The following USH2A variants were observed in gnomAD, a reference collection of about 807,000 sequenced individuals.
USH2A encodes Usher syndrome 2A (autosomal recessive, mild).
In USH2A, 443 loss-of-function variants were observed where a neutral mutation model predicts 538.9. That is an observed-to-expected ratio of 0.82 (90% CI 0.76 to 0.89). The LOEUF (loss-of-function observed/expected upper bound fraction) is 0.89. Among genes scored for constraint, USH2A ranks in the 40% least tolerant of loss-of-function variants. USH2A has a pLI of 0.00. For missense variants in USH2A, 6,633 were observed against 6,324.8 expected (o/e 1.05, Z -1.65); for synonymous variants, 2,413 against 2,273.5 (o/e 1.06, Z -1.75).
chr1:215,975,803 C>T (rs1171458960), intron 35 of USH2A, among the ~76,000 whole-genome samples: 10 of 152,022 alleles, frequency 6.6e-5, no homozygotes, highest in Admixed American at 6.6e-4. Context: ...TTTTTGGGCT[C>T]TTTTTGGGTT....
At position 215,897,124 on chromosome 1, in the gene USH2A, C is replaced by A. The variant is rs75158067; in HGVS notation, c.7594+2951G>T. ...TTCCCTGTCCATGATAACTTCTCTG[C>A]ACCCATGCATTTGCTTCTCTGGCTG... is the stretch of plus-strand genomic sequence containing the variant. On this transcript the variant is annotated intron_variant, in intron 40 of 71. Coordinates refer to ENST00000307340, the MANE Select transcript of USH2A (RefSeq NM_206933.4). 3.2e-3 allele frequency among the ~76,000 whole-genome samples: 493 copies of A among 152,240 alleles called. 4 individuals are homozygous for A. Among genetic ancestry groups the A allele is most frequent in the African/African-American group, 0.011 (474 of 41,526 alleles).
At chr1:215,774,933 G>C (rs958448696) in intron 55 of USH2A, among the ~76,000 whole-genome samples, 3 of 148,688 alleles carry the variant, frequency 2.0e-5, no homozygotes, top group Non-Finnish European at 4.4e-5. Context: ...TTTTTGGTCA[G>C]GCACAAATTT....
At chr1:216,286,746 A>T (rs2036893825) in intron 11 of USH2A, among the ~76,000 whole-genome samples, 1 of 151,880 alleles carries the variant, frequency 6.6e-6, no homozygotes, top group Non-Finnish European at 1.5e-5. Flanking sequence ...TAAATAAATA[A>T]ATAAAAACCT....
intron 37 of USH2A, 135 bp from the exon 38 acceptor site, chr1:215,934,930 C>A: frequency 2.6e-6 from 2 of 777,278 alleles, no homozygotes; most frequent in Non-Finnish European, 3.9e-6. Flanking sequence ...AGAGGCATTA[C>A]ATGTGCTTCT....
At chr1:216,333,396 A>G (rs76822347) in intron 4 of USH2A, among the ~76,000 whole-genome samples, 8,053 of 152,214 alleles carry the variant, frequency 0.053, 294 homozygotes, top group Middle Eastern at 0.11. Context: ...ATACAGGTCA[A>G]TTGAGATTAT....
rs555946852 is a variant in USH2A at position 215,721,864 on chromosome 1, G to A, written c.12066+6166C>T. Among the ~76,000 whole-genome samples, 6 of 152,210 alleles carry A rather than the reference G, an allele frequency of 3.9e-5. No individual in the cohort carries two copies. The South Asian group carries it at 1.2e-3, about 32-fold the overall frequency. On this transcript the variant is annotated intron_variant, in intron 61 of 71. Coordinates refer to ENST00000307340, the MANE Select transcript of USH2A (RefSeq NM_206933.4). ...GGATCTCTTGAGGCCGGGAATTTGA[G>A]ACCAGCTGGGGCAATTTAGTGAGAC...
intron 10 of USH2A, among the ~76,000 whole-genome samples, chr1:216,291,073 A>C (rs2036990926): frequency 6.6e-6 from 1 of 152,134 alleles, no homozygotes; most frequent in African/African-American, 2.4e-5. Flanking sequence ...CTTTATAACC[A>C]GGTGTATCTT....
intron 21 of USH2A, among the ~76,000 whole-genome samples, chr1:216,169,958 T>C (rs1416041126): frequency 1.3e-5 from 2 of 152,108 alleles, no homozygotes; most frequent in Non-Finnish European, 2.9e-5. Flanking sequence ...TGTTTTTTAT[T>C]TTTTTCAAGC....
intron 20 of USH2A, among the ~76,000 whole-genome samples, chr1:216,175,815 C>G (rs1006967247): frequency 3.3e-5 from 5 of 152,212 alleles, no homozygotes; most frequent in Admixed American, 2.0e-4. Flanking sequence ...CAACCACAGT[C>G]CCTCTACCAA....
intron 24 of USH2A, among the ~76,000 whole-genome samples, chr1:216,085,952 G>C (rs964226462): frequency 6.6e-6 from 1 of 151,978 alleles, no homozygotes; most frequent in African/African-American, 2.4e-5. Flanking sequence ...ATACTTATCT[G>C]GGTTCTAGCT....
chr1:215,631,725 C>A (rs1309394889), intron 70 of USH2A, among the ~76,000 whole-genome samples: 1 of 152,182 alleles, frequency 6.6e-6, no homozygotes, highest in Non-Finnish European at 1.5e-5. Context: ...CCAGCCAGTC[C>A]CTCTATGCCT....
At chr1:215,939,335 G>A (rs987889586) in intron 37 of USH2A, among the ~76,000 whole-genome samples, 9 of 151,980 alleles carry the variant, frequency 5.9e-5, no homozygotes, top group African/African-American at 1.9e-4. Context: ...CATTCTAAAG[G>A]GTCTTGAAAA....
intron 44 of USH2A, among the ~76,000 whole-genome samples, chr1:215,856,683 A>G (rs770641979): frequency 7.2e-5 from 11 of 152,264 alleles, no homozygotes; most frequent in African/African-American, 2.4e-4. Context: ...TGATTCATCA[A>G]TCCTACTCCT....
chr1:216,317,101 C>CTT (rs1302518828), intron 9 of USH2A, among the ~76,000 whole-genome samples: 4 of 152,120 alleles, frequency 2.6e-5, no homozygotes, highest in African/African-American at 9.7e-5. Context: ...AAGGGAACAC[C>CTT]TTTACACTGT....
At chr1:215,712,535 A>G (rs1234867691) in intron 61 of USH2A, among the ~76,000 whole-genome samples, 1 of 152,186 alleles carries the variant, frequency 6.6e-6, no homozygotes, top group Non-Finnish European at 1.5e-5. Flanking sequence ...CCACCAGAAC[A>G]CTGTGGATGT....
At chr1:216,373,794 A>G (rs986230037) in intron 3 of USH2A, among the ~76,000 whole-genome samples, 31 of 152,064 alleles carry the variant, frequency 2.0e-4, no homozygotes, top group African/African-American at 7.5e-4. Context: ...TTTTGATCTG[A>G]AAGAGACACG....
chr1:216,178,466 A>G (rs1268202343), intron 20 of USH2A, among the ~76,000 whole-genome samples: 10 of 152,140 alleles, frequency 6.6e-5, no homozygotes, highest in African/African-American at 2.2e-4. Flanking sequence ...AGAGTTACAT[A>G]TTTGTATTAA....
chr1:215,932,739 A>C (rs946467056), intron 38 of USH2A, among the ~76,000 whole-genome samples: 1 of 152,066 alleles, frequency 6.6e-6, no homozygotes, highest in African/African-American at 2.4e-5. Flanking sequence ...AGGCCCAGAG[A>C]GTGTGGGCCT....
intron 21 of USH2A, among the ~76,000 whole-genome samples, chr1:216,121,650 T>C (rs2033141386): frequency 6.6e-6 from 1 of 152,170 alleles, no homozygotes; most frequent in South Asian, 2.1e-4. Context: ...AATATACAAA[T>C]TACAGAATTA....
Sources: allele counts gnomAD v4.1 joint callset (sites outside exome capture counted in the v4.1 genomes callset), GRCh38; gene constraint gnomAD v4.1.1; transcripts MANE v1.5; gene names NCBI Gene and HGNC (gene_info 2026-07-23, HGNC 2026-07-21).